Variants in NXPH1 observed in about 807,000 individuals in gnomAD.
NXPH1 encodes neurexophilin-1.
NXPH1 carries 5 observed loss-of-function variants against 23.7 expected under a neutral mutation model. The ratio of observed to expected loss-of-function variants is 0.21; its 90% CI spans 0.11 to 0.44. NXPH1 has a LOEUF of 0.44. Ranked by LOEUF, NXPH1 falls within the 20% of genes least tolerant of loss-of-function variation. The pLI, the probability that NXPH1 is intolerant of heterozygous loss-of-function variation, is 0.99. For missense variants in NXPH1, 324 were observed against 321.6 expected, an observed-to-expected ratio of 1.01 and a Z score of -0.06; for synonymous variants, 144 against 122.2, an observed-to-expected ratio of 1.18 and a Z score of -1.18.
At chr7:8,672,770 C>T (rs969821359) in intron 2 of NXPH1, among the ~76,000 whole-genome samples, 5 of 152,168 alleles carry the variant, frequency 3.3e-5, no homozygotes, top group South Asian at 4.1e-4. Context: ...TCCTCCTTTT[C>T]CAACTTTGAG....
At chr7:8,521,671 G>C (rs898587489) in intron 2 of NXPH1, among the ~76,000 whole-genome samples, 2 of 152,152 alleles carry the variant, frequency 1.3e-5, no homozygotes, top group African/African-American at 4.8e-5. Context: ...TTGAGATATA[G>C]GAGTTTTTAG....
chr7:8,528,393 G>A (rs1436849981), intron 2 of NXPH1, among the ~76,000 whole-genome samples: 1 of 152,238 alleles, frequency 6.6e-6, no homozygotes, highest in Non-Finnish European at 1.5e-5. Context: ...ATTTAGGCAT[G>A]ACTTTGGTTT....
intron 2 of NXPH1, among the ~76,000 whole-genome samples, chr7:8,572,070 A>C (rs537529807): frequency 6.6e-6 from 1 of 151,976 alleles, no homozygotes; most frequent in Non-Finnish European, 1.5e-5. Flanking sequence ...AAAACAGGAC[A>C]CCCAGTTAAA....
chr7:8,625,563 A>G lies in NXPH1; in HGVS notation c.55-125445A>G, dbSNP rs567514714. Among the ~76,000 whole-genome samples the G allele has an allele frequency of 3.3e-5, 5 of 152,302 alleles. No homozygotes were observed. In the South Asian group the frequency reaches 1.0e-3, roughly 32 times the overall value. On this transcript the variant is annotated intron_variant, in intron 2 of 2. Transcript: ENST00000405863. ...TGCTGTGGAACACAGTCTCAAGTAG[A>G]CTATAAAATATACAATTAGAGGTCT...
chr7:8,666,219 C>T (rs1413108963), intron 2 of NXPH1, among the ~76,000 whole-genome samples: 2 of 151,846 alleles, frequency 1.3e-5, no homozygotes, highest in Non-Finnish European at 2.9e-5. Context: ...TACATTCCTT[C>T]TATTACCAAT....
intron 2 of NXPH1, among the ~76,000 whole-genome samples, chr7:8,688,807 T>C (rs1821185426): frequency 3.9e-5 from 6 of 152,166 alleles, no homozygotes; most frequent in Admixed American, 6.5e-5. Context: ...ACACAGTTAA[T>C]AATTAGGATT....
At chr7:8,578,401 A>G (rs1458569927) in intron 2 of NXPH1, among the ~76,000 whole-genome samples, 1 of 152,232 alleles carries the variant, frequency 6.6e-6, no homozygotes, top group Non-Finnish European at 1.5e-5. Context: ...GCCATGTCCC[A>G]AACAATAATA....
Position 8,434,343 on chromosome 7 carries a change from G to C in NXPH1, c.-523G>C, listed in dbSNP as rs897463127. On this transcript the variant is annotated 5_prime_UTR_variant, in exon 1 of 3. Transcript: ENST00000405863. The surrounding 1 kb of genome is among the most constrained non-coding windows in gnomAD (Gnocchi z 7.6). ...CATCCTCAGGCAGCTGTGGGAAGCC[G>C]AGAGTCCTGGACTGTTCGTCCGGGT... 1 of 153,322 alleles carries C rather than the reference G, an allele frequency of 6.5e-6. No individual in the cohort carries two copies. Among genetic ancestry groups the C allele is most frequent in the Non-Finnish European group, 1.5e-5 (1 of 68,604 alleles). 9.5% of individuals were successfully genotyped at this position (153,322 alleles called of 1,614,324 possible).
intron 2 of NXPH1, among the ~76,000 whole-genome samples, chr7:8,631,621 T>C (rs374000687): frequency 2.6e-5 from 4 of 152,150 alleles, no homozygotes; most frequent in African/African-American, 7.2e-5. Context: ...TTTTGACAGC[T>C]TTGTTGATTT....
chr7:8,483,736 A>C (rs1817112047), intron 2 of NXPH1, among the ~76,000 whole-genome samples: 1 of 152,154 alleles, frequency 6.6e-6, no homozygotes, highest in East Asian at 1.9e-4. Flanking sequence ...AGTGTCCCAG[A>C]AGTACTCTTG....
intron 2 of NXPH1, among the ~76,000 whole-genome samples, chr7:8,675,796 A>G (rs942942425): frequency 6.6e-6 from 1 of 152,180 alleles, no homozygotes; most frequent in Non-Finnish European, 1.5e-5. Context: ...GAGGCCTTGC[A>G]TGGACAAATA....
At chr7:8,536,611 A>AG (rs1424566464) in intron 2 of NXPH1, among the ~76,000 whole-genome samples, 2 of 151,586 alleles carry the variant, frequency 1.3e-5, no homozygotes, top group African/African-American at 4.9e-5. Context: ...GGTAGACTTA[A>AG]AAAAAGGAAG....
intron 2 of NXPH1, among the ~76,000 whole-genome samples, chr7:8,747,230 A>G (rs183315271): frequency 1.3e-5 from 2 of 152,362 alleles, no homozygotes; most frequent in Admixed American, 1.3e-4. Flanking sequence ...GGATTCAGGC[A>G]GTCTGACTCC....
chr7:8,535,574 C>A (rs955006189), intron 2 of NXPH1, among the ~76,000 whole-genome samples: 2 of 151,540 alleles, frequency 1.3e-5, no homozygotes. Flanking sequence ...AAGAACAAAC[C>A]AAGACCCTGC....
intron 2 of NXPH1, among the ~76,000 whole-genome samples, chr7:8,534,889 A>AT (rs1818004295): frequency 6.6e-6 from 1 of 152,062 alleles, no homozygotes; most frequent in Non-Finnish European, 1.5e-5. Flanking sequence ...TATACACTGC[A>AT]TTTTTTTGTC....
At chr7:8,747,189 A>C (rs375130132) in intron 2 of NXPH1, among the ~76,000 whole-genome samples, 20 of 152,254 alleles carry the variant, frequency 1.3e-4, no homozygotes, top group African/African-American at 4.6e-4. Flanking sequence ...TGCCCACATC[A>C]CACAGCTGTT....
chr7:8,440,807 G>A (rs1816283854), intron 2 of NXPH1, among the ~76,000 whole-genome samples: 1 of 152,138 alleles, frequency 6.6e-6, no homozygotes. Flanking sequence ...GCCTCGCATT[G>A]GCAAAGAGAT....
At chr7:8,581,186 T>C (rs1366224626) in intron 2 of NXPH1, among the ~76,000 whole-genome samples, 1 of 152,152 alleles carries the variant, frequency 6.6e-6, no homozygotes, top group Non-Finnish European at 1.5e-5. Flanking sequence ...CTGTTCTTCC[T>C]TTTTTTAAAA....
intron 2 of NXPH1, among the ~76,000 whole-genome samples, chr7:8,589,229 A>G (rs1819041125): frequency 1.3e-5 from 2 of 152,110 alleles, no homozygotes; most frequent in South Asian, 2.1e-4. Flanking sequence ...ATGAAAATGG[A>G]CACCTAAAAT....
Sources: allele counts gnomAD v4.1 joint callset (sites outside exome capture counted in the v4.1 genomes callset), GRCh38; gene constraint gnomAD v4.1.1; non-coding constraint Gnocchi (gnomAD v3.1); transcripts MANE v1.5; gene names NCBI Gene and HGNC (gene_info 2026-07-23, HGNC 2026-07-21).